FAM161A: variants seen among roughly 807,000 people sequenced by gnomAD.
The protein encoded by FAM161A is protein FAM161A.
Under a neutral mutation model 70.9 loss-of-function variants are expected in FAM161A, and 57 were observed. The ratio of observed to expected loss-of-function variants is 0.80; its 90% confidence interval spans 0.65 to 1.00. The LOEUF (loss-of-function observed/expected upper bound fraction) is 1.00. FAM161A is among the 50% of genes least tolerant of loss of function. The probability of loss-of-function intolerance (pLI) is 0.00; values close to 1 mark genes in which losing one functional copy is unlikely to be tolerated. For missense variants in FAM161A, 880 were observed against 836.0 expected, an observed-to-expected ratio of 1.05 and a Z score of -0.65; for synonymous variants, 299 against 295.7, an observed-to-expected ratio of 1.01 and a Z score of -0.12.
At chr2:61,820,256 G>C (rs1401759981), downstream of FAM161A, 2 of 653,130 alleles carry the variant, frequency 3.1e-6, no homozygotes, top group African/African-American at 1.8e-5. Context: ...TTCACTGGAG[G>C]ATCGAGCTTT....
chr2:61,801,078 A>G, the FAM161A span, among the ~76,000 whole-genome samples: 3 of 151,914 alleles, frequency 2.0e-5, no homozygotes, highest in Non-Finnish European at 2.9e-5. Context: ...TACAGGTGTG[A>G]GCCACCGCAC....
At chr2:61,801,650 T>G in the FAM161A span, among the ~76,000 whole-genome samples, 9 of 150,412 alleles carry the variant, frequency 6.0e-5, no homozygotes, top group Admixed American at 3.3e-4. Context: ...CACTGCAACC[T>G]CTTGTGTTCA....
chr2:61,804,762 A>G, the FAM161A span, among the ~76,000 whole-genome samples: 3 of 89,510 alleles, frequency 3.4e-5, no homozygotes, highest in East Asian at 8.5e-4. Context: ...AAGAAAGAAA[A>G]AGAAAGAGAA....
At chr2:61,851,916 G>A (rs1673511451) in intron 1 of FAM161A, among the ~76,000 whole-genome samples, 1 of 152,092 alleles carries the variant, frequency 6.6e-6, no homozygotes. Flanking sequence ...TGTGGGTTAG[G>A]TATAATATTT....
At chr2:61,846,929 C>T (rs1333547044) in intron 1 of FAM161A, 1 of 454,818 alleles carries the variant, frequency 2.2e-6, no homozygotes, top group Non-Finnish European at 4.4e-6. Flanking sequence ...GCCTGTAATC[C>T]CAGCACTTTG....
At position 61,838,720 on chromosome 2, in the gene FAM161A, C is replaced by T. The variant is rs777191922; in HGVS notation, c.1584-15G>A. The T allele has an allele frequency of 1.8e-5, 28 of 1,572,228 alleles. 1 individual carries two copies. Among genetic ancestry groups the T allele is most frequent in the Non-Finnish European group, 2.4e-5 (28 of 1,159,462 alleles). ...CAAGTGATCTCCTGAGGGTAACAAACTAAGGCTTAATCCACTTTAAGCCAA... is the reference window on the plus strand; with the variant it reads ...CAAGTGATCTCCTGAGGGTAACAAATTAAGGCTTAATCCACTTTAAGCCAA... On this transcript the variant is annotated splice_polypyrimidine_tract_variant and intron_variant, in intron 3 of 6. Coordinates refer to ENST00000404929, the MANE Select transcript of FAM161A (RefSeq NM_001201543.2).
At chr2:61,853,184 A>G (rs951418106) in intron 1 of FAM161A, among the ~76,000 whole-genome samples, 8 of 152,140 alleles carry the variant, frequency 5.3e-5, no homozygotes, top group African/African-American at 1.4e-4. Context: ...TGCTGGGATT[A>G]TAGGCACGAG....
downstream of FAM161A, among the ~76,000 whole-genome samples, chr2:61,823,620 C>T (rs1672258998): frequency 6.6e-6 from 1 of 151,974 alleles, no homozygotes; most frequent in Admixed American, 6.6e-5. Flanking sequence ...CCTTCCTCTG[C>T]CTCCGAAAGT....
At chr2:61,805,475 C>T in the FAM161A span, among the ~76,000 whole-genome samples, 4 of 152,094 alleles carry the variant, frequency 2.6e-5, no homozygotes, top group South Asian at 8.3e-4. Context: ...AAGATCATGC[C>T]ACTGCACTCC....
intron 1 of FAM161A, among the ~76,000 whole-genome samples, chr2:61,848,207 A>T (rs1241644281): frequency 6.6e-6 from 1 of 152,240 alleles, no homozygotes; most frequent in Non-Finnish European, 1.5e-5. Context: ...TGAAAACCAT[A>T]TAGAAGAATG....
chr2:61,842,312 T>C lies in FAM161A; in HGVS notation c.232A>G (p.Ser78Gly). ...FSGVDEHAPI[S>G]YEDFVNFPDI... ...GGAAAGTTCACAAAGTCCTCATAGC[T>C]TATCGGTGCATGTTCATCCACCCCA... Residue 78 changes from serine (S) to glycine (G), a missense_variant, in exon 2 of 7, where the codon AGC (serine) becomes GGC (glycine). Transcript: ENST00000404929. 6.3e-7 allele frequency: 1 copy of C among 1,595,944 alleles called. No homozygotes were observed. The highest frequency in any genetic ancestry group is 8.5e-7 in the Non-Finnish European group (1 of 1,170,078).
At chr2:61,829,469 G>A (rs1672492334) in intron 5 of FAM161A, among the ~76,000 whole-genome samples, 1 of 152,216 alleles carries the variant, frequency 6.6e-6, no homozygotes, top group South Asian at 2.1e-4. Context: ...CACTCACTGT[G>A]AATAACAATA....
chr2:61,839,965 T>A lies in FAM161A; in HGVS notation c.1039A>T (p.Lys347Ter), dbSNP rs1223529159. 1 of 1,614,214 alleles carries A rather than the reference T, an allele frequency of 6.2e-7. No homozygotes were observed. The highest frequency in any genetic ancestry group is 1.7e-5 in the Admixed American group (1 of 60,028). ...AREKQLRDFL[K>*]YKKKTNRFKA... Reference sequence around the variant, plus strand: ...AATCGATTTGTTTTCTTTTTATACTTAAGAAAGTCTCTCAGCTGCTTTTCC... The same window carrying A: ...AATCGATTTGTTTTCTTTTTATACTAAAGAAAGTCTCTCAGCTGCTTTTCC... Residue 347 changes from lysine (K) to a stop codon, truncating the protein, a stop_gained, in exon 3 of 7, where the codon AAG becomes TAG. Coordinates refer to ENST00000404929, the MANE Select transcript of FAM161A (RefSeq NM_001201543.2). LOFTEE classifies it high-confidence loss of function.
chr2:61,801,245 C>T, the FAM161A span, among the ~76,000 whole-genome samples: 1 of 152,016 alleles, frequency 6.6e-6, no homozygotes, highest in African/African-American at 2.4e-5. Context: ...TGCCTGTAAT[C>T]CCAGCACTTT....
At chr2:61,819,265 C>T in the FAM161A span, among the ~76,000 whole-genome samples, 1 of 152,158 alleles carries the variant, frequency 6.6e-6, no homozygotes, top group Admixed American at 6.6e-5. Context: ...AGTTCAAGAC[C>T]AGCCTGGGCA....
intron 2 of FAM161A, among the ~76,000 whole-genome samples, chr2:61,841,120 G>C (rs1035934389): frequency 5.3e-5 from 8 of 152,182 alleles, no homozygotes; most frequent in Non-Finnish European, 4.4e-5. Context: ...GGGTCCTTGT[G>C]TCTAACCTCT....
the FAM161A span, among the ~76,000 whole-genome samples, chr2:61,801,597 G>A: frequency 4.3e-4 from 62 of 145,126 alleles, no homozygotes; most frequent in Non-Finnish European, 6.1e-4. Flanking sequence ...ATAGAGTTTC[G>A]CTCTTGTCAC....
the FAM161A span, among the ~76,000 whole-genome samples, chr2:61,804,370 C>A: frequency 1.3e-5 from 2 of 152,104 alleles, no homozygotes; most frequent in Non-Finnish European, 2.9e-5. Context: ...CAGTAGGTCT[C>A]AGCCTAATTT....
At chr2:61,810,329 C>G in the FAM161A span, among the ~76,000 whole-genome samples, 1 of 152,026 alleles carries the variant, frequency 6.6e-6, no homozygotes, top group Admixed American at 6.6e-5. Flanking sequence ...CTGAAGAGTC[C>G]TGTAGAAGCC....
Sources: allele counts gnomAD v4.1 joint callset (sites outside exome capture counted in the v4.1 genomes callset), GRCh38; gene constraint gnomAD v4.1.1; transcripts MANE v1.5; gene names NCBI Gene and HGNC (gene_info 2026-07-23, HGNC 2026-07-21).